Variants in LRRC74B observed in about 807,000 individuals in gnomAD.
LRRC74B encodes the protein leucine rich repeat containing 74B, also known as leucine-rich repeat-containing protein 74B.
Under a neutral mutation model 16.6 loss-of-function variants are expected in LRRC74B, and 30 were observed. That is an observed-to-expected ratio of 1.80 (90% CI 1.35 to 2.45). The LOEUF is 2.45. Among genes scored for constraint, LRRC74B ranks in the 30% most tolerant of loss-of-function variants. LRRC74B has a pLI of 0.00. For synonymous variants in LRRC74B, 134 were observed against 86.0 expected, an observed-to-expected ratio of 1.56 and a Z score of -3.09; for missense variants, 326 against 202.4, an observed-to-expected ratio of 1.61 and a Z score of -3.71.
At position 21,047,137 on chromosome 22, in the gene LRRC74B, G is replaced by T. The variant is rs454290; in HGVS notation, c.140-219G>T. Among the ~76,000 whole-genome samples, 83,776 of 151,774 alleles carry T rather than the reference G, an allele frequency of 0.55. 26,266 individuals carry two copies. Among genetic ancestry groups the T allele is most frequent in the Non-Finnish European group, 0.73 (49,309 of 67,912 alleles). On this transcript the variant is annotated intron_variant, in intron 1 of 8. Transcript: ENST00000442047. Reference sequence around the variant, plus strand: ...TTTGTCTAGCTATGTTGCCCAGGTTGTCCAGCTTTCTTTTGATAGCCGTAT... The same window carrying T: ...TTTGTCTAGCTATGTTGCCCAGGTTTTCCAGCTTTCTTTTGATAGCCGTAT...
chr22:21,048,753 C>G, intron 3 of LRRC74B, 198 bp from the exon 4 acceptor site: 1 of 590,582 alleles, frequency 1.7e-6, no homozygotes, highest in South Asian at 2.1e-5. Flanking sequence ...GACACAGAAG[C>G]TGGTGGGCAC....
intron 6 of LRRC74B, 107 bp from the exon 7 acceptor site, chr22:21,054,991 C>T (rs1930379921): frequency 3.0e-6 from 2 of 666,038 alleles, no homozygotes; most frequent in African/African-American, 1.8e-5. Context: ...ACAAGAGACC[C>T]AACCTGGTGG....
In LRRC74B at chr22:21,047,214, A is replaced by G. The variant is rs536789866; in HGVS notation, c.140-142A>G. 99 of 597,912 alleles carry G rather than the reference A, an allele frequency of 1.7e-4. 1 individual carries two copies. Among genetic ancestry groups the G allele is most frequent in the Middle Eastern group, 6.2e-4 (2 of 3,248 alleles). 37.0% of individuals were successfully genotyped at this position (597,912 alleles called of 1,614,324 possible). ...CTGAGGCTTGATGTCCTCATCTGTC[A>G]TATGGGAGCAGTGGTCCCAAGAAGC... is the stretch of plus-strand genomic sequence containing the variant. On this transcript the variant is annotated intron_variant, in intron 1 of 8. Transcript: ENST00000442047.
chr22:21,047,376 C>T, exon 2 of LRRC74B: 1 of 717,272 alleles, frequency 1.4e-6, no homozygotes, highest in Non-Finnish European at 2.6e-6. Context: ...GCTTGGAGAA[C>T]TGGTCAGGGA....
At chr22:21,046,146 G>A in intron 1 of LRRC74B, 21 bp downstream of exon 1, 1 of 715,664 alleles carries the variant, frequency 1.4e-6, no homozygotes, top group Non-Finnish European at 2.6e-6. Flanking sequence ...GAGGGGGCAG[G>A]CCCGACTCCT....
chr22:21,046,154 C>T, intron 1 of LRRC74B, 29 bp downstream of exon 1: 1 of 715,088 alleles, frequency 1.4e-6, no homozygotes, highest in Non-Finnish European at 2.6e-6. Context: ...AGGCCCGACT[C>T]CTCCCCTTTG....
intron 4 of LRRC74B, 34 bp downstream of exon 4, chr22:21,049,191 G>A (rs541984521): frequency 1.4e-5 from 10 of 699,812 alleles, no homozygotes; most frequent in Middle Eastern, 3.2e-4. Flanking sequence ...GGCCATGAAA[G>A]CTCAGCTTCC....
intron 3 of LRRC74B, chr22:21,048,261 C>G: frequency 2.0e-6 from 1 of 505,960 alleles, no homozygotes; most frequent in Non-Finnish European, 3.6e-6. Context: ...TGCTGGCCAG[C>G]ATCCCCCTCT....
intron 1 of LRRC74B, among the ~76,000 whole-genome samples, 189 bp from the exon 2 acceptor site, chr22:21,047,167 T>G (rs557418077): frequency 1.3e-5 from 2 of 152,160 alleles, no homozygotes; most frequent in South Asian, 4.1e-4. Flanking sequence ...CCGTATGACT[T>G]TAAGGAAAAG....
downstream of LRRC74B, chr22:21,061,973 C>G (rs1930828635): frequency 6.6e-6 from 1 of 152,116 alleles, no homozygotes; most frequent in Non-Finnish European, 1.5e-5. Flanking sequence ...ATTACAGATG[C>G]TTTACATGAA....
chr22:21,053,425 G>A (rs776794142), exon 6 of LRRC74B: 28 of 717,294 alleles, frequency 3.9e-5, no homozygotes, highest in East Asian at 2.1e-4. Flanking sequence ...GAGCCTCTGC[G>A]GTGGGTGAGG....
rs1164765211 is a variant in LRRC74B at position 21,047,338 on chromosome 22, C to G, written c.140-18C>G. 2 of 716,090 alleles carry G rather than the reference C, an allele frequency of 2.8e-6. No individual in the cohort carries two copies. The highest frequency in any genetic ancestry group is 3.0e-5 in the South Asian group (2 of 67,358). 44.4% of individuals were successfully genotyped at this position (716,090 alleles called of 1,614,324 possible). ...GTAGCTGTGCAGGGTCCACATTCGT[C>G]CCCCTGTCTCCTGCCAGGCACCGAT... is the stretch of plus-strand genomic sequence containing the variant. On this transcript the variant is annotated intron_variant, in intron 1 of 8. Coordinates refer to ENST00000442047, the Ensembl canonical transcript of LRRC74B.
At chr22:21,048,862 G>A in intron 3 of LRRC74B, 89 bp from the exon 4 acceptor site, 2 of 671,934 alleles carry the variant, frequency 3.0e-6, no homozygotes, top group Non-Finnish European at 5.6e-6. Context: ...CCCTTCCTCA[G>A]CCTCAGACCT....
At chr22:21,053,115 T>G (rs1444886636) in intron 5 of LRRC74B, among the ~76,000 whole-genome samples, 1 of 152,126 alleles carries the variant, frequency 6.6e-6, no homozygotes, top group East Asian at 1.9e-4. Context: ...CTGAGGGCCA[T>G]TCACGTCTAC....
At chr22:21,056,218 G>A (rs768198699) in intron 7 of LRRC74B, among the ~76,000 whole-genome samples, 2 of 152,158 alleles carry the variant, frequency 1.3e-5, no homozygotes, top group South Asian at 2.1e-4. Context: ...CATGTCATGC[G>A]GAGCTAGGTG....
At chr22:21,063,031 GA>G (rs55967436), downstream of LRRC74B, 176 of 126,614 alleles carry the variant, frequency 1.4e-3, no homozygotes, top group Middle Eastern at 8.1e-3. Flanking sequence ...AACCTGTCTC[GA>G]AAAAAAAAAA....
chr22:21,052,031 C>T (rs946429454), intron 4 of LRRC74B, among the ~76,000 whole-genome samples: 27 of 152,206 alleles, frequency 1.8e-4, no homozygotes, highest in African/African-American at 6.3e-4. Flanking sequence ...GTTCTCACGC[C>T]TCCCCCTTTT....
At chr22:21,052,460 A>G in intron 5 of LRRC74B, 102 bp downstream of exon 5, 2 of 683,162 alleles carry the variant, frequency 2.9e-6, no homozygotes, top group South Asian at 3.1e-5. Flanking sequence ...TGAACCTTGG[A>G]TCTTTTAAGC....
At chr22:21,051,563 G>T (rs1930049123) in intron 4 of LRRC74B, among the ~76,000 whole-genome samples, 1 of 151,634 alleles carries the variant, frequency 6.6e-6, no homozygotes, top group Non-Finnish European at 1.5e-5. Flanking sequence ...CCTTCCATCT[G>T]GTCCCCCAGC....
Sources: gnomAD v4.1 joint callset for allele counts (sites outside exome capture counted in the v4.1 genomes callset) on GRCh38, gnomAD v4.1.1 for gene constraint, MANE v1.5 for transcripts, NCBI Gene and HGNC (gene_info 2026-07-23, HGNC 2026-07-21) for gene names.